Variants in FHOD3 observed in about 807,000 individuals in gnomAD.
FHOD3 encodes formin homology 2 domain containing 3.
FHOD3 carries 90 observed loss-of-function variants against 173.0 expected under a neutral mutation model. That is an observed-to-expected ratio of 0.52 (90% CI 0.44 to 0.62). The LOEUF is 0.62. Among genes scored for constraint, FHOD3 ranks in the 20% least tolerant of loss-of-function variants. The pLI is 0.00. For synonymous variants in FHOD3, 828 were observed against 823.0 expected (o/e 1.01, Z -0.10); for missense variants, 1,945 against 2,034.7 (o/e 0.96, Z 0.85).
intron 7 of FHOD3, among the ~76,000 whole-genome samples, chr18:36,596,406 G>GGTCTCAA (rs2030435681): frequency 7.0e-6 from 1 of 143,506 alleles, no homozygotes; most frequent in African/African-American, 2.6e-5. Context: ...CACGGTCTCA[G>GGTCTCAA]TCTCCTGACC....
At chr18:36,311,826 G>A (rs2092264125) in intron 1 of FHOD3, among the ~76,000 whole-genome samples, 1 of 152,200 alleles carries the variant, frequency 6.6e-6, no homozygotes, top group African/African-American at 2.4e-5. Flanking sequence ...GCTGATGGGG[G>A]GAGGGGGGAC....
intron 3 of FHOD3, among the ~76,000 whole-genome samples, chr18:36,423,347 G>T (rs1400197133): frequency 6.6e-6 from 1 of 152,130 alleles, no homozygotes. Flanking sequence ...GGTTGGAAAT[G>T]GTCTGAACTG....
At chr18:36,447,536 A>C (rs1252426469) in intron 3 of FHOD3, among the ~76,000 whole-genome samples, 1 of 152,060 alleles carries the variant, frequency 6.6e-6, no homozygotes, top group Non-Finnish European at 1.5e-5. Context: ...GCTGGTGTTG[A>C]CTGTACCGAA....
intron 1 of FHOD3, among the ~76,000 whole-genome samples, chr18:36,312,508 A>T (rs1464072716): frequency 1.3e-5 from 2 of 152,006 alleles, no homozygotes; most frequent in African/African-American, 4.8e-5. Flanking sequence ...AGATCTTGTC[A>T]TCTTCCCACA....
At chr18:36,312,332 C>A (rs905828980) in intron 1 of FHOD3, among the ~76,000 whole-genome samples, 5 of 152,174 alleles carry the variant, frequency 3.3e-5, no homozygotes, top group African/African-American at 1.2e-4. Context: ...CTCCTCCTCA[C>A]AGTCACCCTC....
chr18:36,386,166 T>A (rs1043715628), intron 3 of FHOD3, among the ~76,000 whole-genome samples: 3 of 152,226 alleles, frequency 2.0e-5, no homozygotes, highest in Non-Finnish European at 4.4e-5. Context: ...ACTTTCACTA[T>A]ACATATGGCA....
intron 20 of FHOD3, among the ~76,000 whole-genome samples, chr18:36,739,173 G>A (rs984771590): frequency 3.3e-5 from 5 of 152,094 alleles, no homozygotes; most frequent in Admixed American, 6.5e-5. Context: ...CCCTTTCCAG[G>A]GCAAGACCAA....
Position 36,442,115 on chromosome 18 carries a change from A to G in FHOD3, c.338-59817A>G, listed in dbSNP as rs180980838. Among the ~76,000 whole-genome samples the G allele has an allele frequency of 9.2e-5, 14 of 152,274 alleles. No homozygotes were observed. In the East Asian group the frequency reaches 2.5e-3, roughly 27 times the overall value. On this transcript the variant is annotated intron_variant, in intron 3 of 28. Transcript: ENST00000590592. ...ATACTTAGGAACTTCCAGACACTGGACATTCCATGTGTTCTGAGAATGCCC... is the reference window on the plus strand; with the variant it reads ...ATACTTAGGAACTTCCAGACACTGGGCATTCCATGTGTTCTGAGAATGCCC...
chr18:36,409,604 T>C (rs1048302418), intron 3 of FHOD3, among the ~76,000 whole-genome samples: 4 of 152,190 alleles, frequency 2.6e-5, no homozygotes, highest in Non-Finnish European at 2.9e-5. Context: ...CCAGGCATTA[T>C]GCCCATTTCA....
intron 18 of FHOD3, among the ~76,000 whole-genome samples, chr18:36,713,473 G>A (rs2040282498): frequency 6.6e-6 from 1 of 152,084 alleles, no homozygotes; most frequent in South Asian, 2.1e-4. Context: ...AATGTACTTG[G>A]AACACTATAA....
chr18:36,487,688 G>A (rs2054259842), intron 3 of FHOD3, among the ~76,000 whole-genome samples: 1 of 152,202 alleles, frequency 6.6e-6, no homozygotes. Context: ...TCTTAGTGAG[G>A]TTCTCAAATG....
At chr18:36,676,165 C>A (rs1265035640) in intron 14 of FHOD3, among the ~76,000 whole-genome samples, 1 of 152,186 alleles carries the variant, frequency 6.6e-6, no homozygotes, top group Non-Finnish European at 1.5e-5. Flanking sequence ...GAGATGATCA[C>A]TACACTGAAT....
In FHOD3 at chr18:36,370,558, T is replaced by C. The variant is rs546754446; in HGVS notation, c.273-2122T>C. ...GAAACACACACTCAAAGTGCAACTT[T>C]GCAGTTGTTTGAAGATACAAGAAGG... On this transcript the variant is annotated intron_variant, in intron 2 of 28. Coordinates refer to ENST00000590592, the MANE Select transcript of FHOD3 (RefSeq NM_001281740.3). Among the ~76,000 whole-genome samples, 410 of 152,220 alleles carry C rather than the reference T, an allele frequency of 2.7e-3. 5 individuals carry two copies. Among genetic ancestry groups the C allele is most frequent in the African/African-American group, 9.5e-3 (395 of 41,546 alleles).
intron 1 of FHOD3, among the ~76,000 whole-genome samples, chr18:36,352,453 A>G (rs2046175018): frequency 6.6e-6 from 1 of 152,180 alleles, no homozygotes; most frequent in South Asian, 2.1e-4. Context: ...AATGCTGTAT[A>G]CTGGTGAGCT....
At chr18:36,518,130 T>C (rs566991923) in intron 5 of FHOD3, among the ~76,000 whole-genome samples, 89 of 152,042 alleles carry the variant, frequency 5.9e-4, no homozygotes, top group Admixed American at 1.2e-3. Context: ...AGAGCAGAGG[T>C]TGGGTTTAGA....
intron 12 of FHOD3, 85 bp downstream of exon 12, chr18:36,653,014 C>T (rs1254366388): frequency 6.9e-7 from 1 of 1,439,832 alleles, no homozygotes; most frequent in East Asian, 2.5e-5. Context: ...GGCTTGGCTT[C>T]TGCCATGTTT....
intron 1 of FHOD3, among the ~76,000 whole-genome samples, chr18:36,321,225 G>A (rs2044377064): frequency 6.6e-6 from 1 of 152,176 alleles, no homozygotes; most frequent in African/African-American, 2.4e-5. Flanking sequence ...GGTGCATGGT[G>A]GGATGTGGTG....
In FHOD3 at chr18:36,297,831, G is replaced by T. The variant is rs1282457732; in HGVS notation, c.-5G>T. The T allele has an allele frequency of 2.0e-6, 3 of 1,516,244 alleles. No individual in the cohort carries two copies. Among genetic ancestry groups the T allele is most frequent in the Non-Finnish European group, 2.7e-6 (3 of 1,131,326 alleles). The allele number at this position is 1,516,244 out of a possible 1,614,324, so 93.9% of individuals were successfully genotyped here. A position where few individuals can be genotyped will look rare whatever the true frequency, so the allele number is the denominator to read the frequency against. On this transcript the variant is annotated 5_prime_UTR_variant, in exon 1 of 29. The change abolishes an upstream ATG in the 5' untranslated region. Coordinates refer to ENST00000590592, the MANE Select transcript of FHOD3 (RefSeq NM_001281740.3). The stretch of plus-strand genomic sequence containing the variant: ...GGGCCCGCGCCCCCGCGGCAGGGAT[G>T]CATCATGGCCACGCTGGCTTGCCGG...
chr18:36,479,154 CCT>C (rs2053747247), intron 3 of FHOD3, among the ~76,000 whole-genome samples: 1 of 152,106 alleles, frequency 6.6e-6, no homozygotes, highest in South Asian at 2.1e-4. Flanking sequence ...AAGTAGGTAA[CCT>C]CTGTTTTACA....
Sources: allele counts gnomAD v4.1 joint callset (sites outside exome capture counted in the v4.1 genomes callset), GRCh38; gene constraint gnomAD v4.1.1; transcripts MANE v1.5; gene names NCBI Gene and HGNC (gene_info 2026-07-23, HGNC 2026-07-21).